The following DGKB variants were observed in gnomAD, a reference collection of about 807,000 sequenced individuals.
DGKB encodes diacylglycerol kinase beta.
Under a neutral mutation model 114.3 loss-of-function variants are expected in DGKB, and 67 were observed. The ratio of observed to expected loss-of-function variants is 0.59; its 90% confidence interval spans 0.48 to 0.72. The LOEUF is 0.72. Among genes scored for constraint, DGKB ranks in the 30% least tolerant of loss-of-function variants. The probability of loss-of-function intolerance (pLI) is 0.00; values close to 1 mark genes in which losing one functional copy is unlikely to be tolerated. For missense variants in DGKB, 907 were observed against 975.2 expected (o/e 0.93, Z 0.93); for synonymous variants, 398 against 323.1 (o/e 1.23, Z -2.49).
intron 20 of DGKB, among the ~76,000 whole-genome samples, chr7:14,559,852 A>G (rs1563510605): frequency 6.6e-6 from 1 of 151,686 alleles, no homozygotes; most frequent in African/African-American, 2.4e-5. Flanking sequence ...TCTTCAAATT[A>G]TTTCTTTTTT....
In DGKB at chr7:14,913,483, T is replaced by C. The variant is rs558542089; in HGVS notation, c.-188+61213A>G. On this transcript the variant is annotated intron_variant, in intron 1 of 4. Transcript: ENST00000437998. ...AGAAAATTGTGTCCTGCATACTAGATATTGTGCTAATCACTGTAAATACAA... is the reference window on the plus strand; with the variant it reads ...AGAAAATTGTGTCCTGCATACTAGACATTGTGCTAATCACTGTAAATACAA... Among the ~76,000 whole-genome samples the C allele has an allele frequency of 2.7e-4, 40 of 150,052 alleles. No homozygotes were observed. In the East Asian group the frequency reaches 6.4e-3, roughly 24 times the overall value.
chr7:14,946,287 C>A (rs1785875137), intron 1 of DGKB, among the ~76,000 whole-genome samples: 1 of 151,476 alleles, frequency 6.6e-6, no homozygotes, highest in South Asian at 2.1e-4. Context: ...TGACTTTTGA[C>A]AGAGTTTTAA....
At chr7:14,727,045 CT>C (rs1367316333) in intron 5 of DGKB, among the ~76,000 whole-genome samples, 1 of 152,104 alleles carries the variant, frequency 6.6e-6, no homozygotes, top group East Asian at 1.9e-4. Context: ...TATTAAATCT[CT>C]TATTTCCTTT....
intron 14 of DGKB, among the ~76,000 whole-genome samples, chr7:14,629,674 A>G (rs1809325172): frequency 6.6e-6 from 1 of 152,034 alleles, no homozygotes; most frequent in Admixed American, 6.6e-5. Context: ...ACTGAAAATA[A>G]TGTTGTGGCA....
chr7:14,181,494 G>A (rs1199312111), intron 23 of DGKB, among the ~76,000 whole-genome samples: 1 of 152,102 alleles, frequency 6.6e-6, no homozygotes, highest in Non-Finnish European at 1.5e-5. Context: ...TATTTATCAC[G>A]GAACACCAAA....
chr7:14,621,355 A>C (rs1464933900), intron 15 of DGKB, 23 bp downstream of exon 15: 1 of 1,483,694 alleles, frequency 6.7e-7, no homozygotes, highest in African/African-American at 1.4e-5. Context: ...AACCTACTAA[A>C]ATTTTGATTT....
chr7:14,812,018 T>G (rs1172047064), intron 2 of DGKB, among the ~76,000 whole-genome samples: 1 of 152,162 alleles, frequency 6.6e-6, no homozygotes, highest in East Asian at 1.9e-4. Flanking sequence ...ACTCTAGGTA[T>G]CTCGTGTATG....
chr7:14,326,594 A>T (rs1372448600), intron 23 of DGKB, among the ~76,000 whole-genome samples: 1 of 152,154 alleles, frequency 6.6e-6, no homozygotes, highest in Non-Finnish European at 1.5e-5. Context: ...AAGGAAAGAA[A>T]ATTAAGACAG....
chr7:14,822,459 G>C (rs992789045), intron 2 of DGKB, among the ~76,000 whole-genome samples: 5 of 152,122 alleles, frequency 3.3e-5, no homozygotes, highest in Middle Eastern at 3.2e-3. Context: ...TTGAGGATTT[G>C]GGGGAGAAAT....
At chr7:14,672,405 T>C (rs181405347) in intron 13 of DGKB, among the ~76,000 whole-genome samples, 73 of 152,272 alleles carry the variant, frequency 4.8e-4, no homozygotes, top group African/African-American at 1.4e-3. Flanking sequence ...TCTATACTTA[T>C]TGAATTAAGT....
At chr7:14,152,296 T>C (rs1293281447) in intron 25 of DGKB, among the ~76,000 whole-genome samples, 1 of 152,060 alleles carries the variant, frequency 6.6e-6, no homozygotes, top group East Asian at 1.9e-4. Context: ...ATCAAATATT[T>C]TGGGGGCACT....
At chr7:14,853,439 A>T (rs1199743990) in intron 1 of DGKB, among the ~76,000 whole-genome samples, 1 of 151,576 alleles carries the variant, frequency 6.6e-6, no homozygotes, top group Non-Finnish European at 1.5e-5. Context: ...AATCTATAAT[A>T]TTGCCTTTTT....
chr7:14,832,384 C>CA (rs1846542563), intron 2 of DGKB, among the ~76,000 whole-genome samples: 5 of 152,024 alleles, frequency 3.3e-5, no homozygotes, highest in Admixed American at 3.3e-4. Context: ...TGCAGAAGAA[C>CA]AAAATCCCTC....
intron 21 of DGKB, among the ~76,000 whole-genome samples, chr7:14,442,854 T>C (rs1220873136): frequency 1.3e-5 from 2 of 152,114 alleles, no homozygotes; most frequent in Admixed American, 1.3e-4. Context: ...CTCTATGCCA[T>C]ATGATTTTTT....
At chr7:14,172,227 C>G (rs1165893729) in intron 25 of DGKB, among the ~76,000 whole-genome samples, 4 of 126,652 alleles carry the variant, frequency 3.2e-5, no homozygotes, top group Non-Finnish European at 7.3e-5. Flanking sequence ...AAGCCTCACT[C>G]AAACCACATT....
At chr7:14,878,762 A>AAC (rs1438867052) in intron 1 of DGKB, among the ~76,000 whole-genome samples, 35 of 151,152 alleles carry the variant, frequency 2.3e-4, no homozygotes, top group Non-Finnish European at 5.0e-4. Flanking sequence ...AAACAAAAAA[A>AAC]AAAAAACAAA....
chr7:14,684,657 T>C (rs780592790), intron 10 of DGKB, among the ~76,000 whole-genome samples: 10 of 152,136 alleles, frequency 6.6e-5, no homozygotes, highest in Non-Finnish European at 1.3e-4. Flanking sequence ...ATTTTTAAAA[T>C]GGCCACGACT....
At chr7:14,155,131 T>G (rs774234348) in intron 25 of DGKB, among the ~76,000 whole-genome samples, 42 of 152,214 alleles carry the variant, frequency 2.8e-4, no homozygotes, top group Non-Finnish European at 5.4e-4. Flanking sequence ...CTTCTCTTCC[T>G]AAGTGGCAAG....
At chr7:14,472,009 G>A (rs1188406447) in intron 21 of DGKB, among the ~76,000 whole-genome samples, 3 of 152,186 alleles carry the variant, frequency 2.0e-5, no homozygotes, top group South Asian at 2.1e-4. Context: ...TAAGCTGCGT[G>A]GATTTAAACA....
Sources: gnomAD v4.1 joint callset for allele counts (sites outside exome capture counted in the v4.1 genomes callset) on GRCh38, gnomAD v4.1.1 for gene constraint, MANE v1.5 for transcripts, NCBI Gene and HGNC (gene_info 2026-07-23, HGNC 2026-07-21) for gene names.